The following ZFHX3 variants were observed in gnomAD, a reference collection of about 807,000 sequenced individuals.
The protein encoded by ZFHX3 is zinc finger homeobox protein 3.
A neutral mutation model predicts 279.1 loss-of-function variants in ZFHX3; 42 were observed. That is an observed-to-expected ratio of 0.15 (90% CI 0.12 to 0.19). ZFHX3 has a LOEUF of 0.19. Ranked by LOEUF, ZFHX3 falls within the 10% of genes least tolerant of loss-of-function variation. The pLI is 1.00. For synonymous variants in ZFHX3, 2,293 were observed against 1,957.8 expected (o/e 1.17, Z -4.52); for missense variants, 4,981 against 4,754.0 (o/e 1.05, Z -1.40).
At chr16:73,448,900 T>A (rs929778531) in intron 3 of ZFHX3, among the ~76,000 whole-genome samples, 20 of 152,126 alleles carry the variant, frequency 1.3e-4, no homozygotes, top group African/African-American at 4.8e-4. Flanking sequence ...ATGTACTCTA[T>A]AAAAGGAAAT....
At chr16:73,513,917 A>G (rs955369562) in intron 2 of ZFHX3, among the ~76,000 whole-genome samples, 4 of 152,122 alleles carry the variant, frequency 2.6e-5, no homozygotes, top group Non-Finnish European at 5.9e-5. Context: ...TTAGTTTCAG[A>G]GAGGCAGAAA....
At chr16:73,268,723 G>A (rs1248031166) in intron 4 of ZFHX3, among the ~76,000 whole-genome samples, 6 of 152,192 alleles carry the variant, frequency 3.9e-5, no homozygotes. Context: ...AAAATGAGGG[G>A]TTGGTGCAAC....
chr16:73,346,998 G>T (rs2016135922), intron 3 of ZFHX3, among the ~76,000 whole-genome samples: 1 of 152,114 alleles, frequency 6.6e-6, no homozygotes, highest in South Asian at 2.1e-4. Flanking sequence ...TGTTACAAGG[G>T]GAGGAAATTG....
intron 3 of ZFHX3, among the ~76,000 whole-genome samples, chr16:72,907,543 ATT>A (rs1442078883): frequency 2.5e-4 from 20 of 80,074 alleles, no homozygotes; most frequent in Admixed American, 4.4e-4. Context: ...GGTTTCCTCT[ATT>A]TGTGTGTGTG....
At position 72,921,247 on chromosome 16, in the gene ZFHX3, G is replaced by A. The variant is rs575253263; in HGVS notation, c.3216+29222C>T. On this transcript the variant is annotated intron_variant, in intron 3 of 9. Coordinates refer to ENST00000268489, the MANE Select transcript of ZFHX3 (RefSeq NM_006885.4). ...ATGCTTAGAGAGCTGGAGGGTAACCGGGTGGTGTCATCAACGAAGCTTCTA... is the reference window on the plus strand; with the variant it reads ...ATGCTTAGAGAGCTGGAGGGTAACCAGGTGGTGTCATCAACGAAGCTTCTA... 2.6e-4 allele frequency among the ~76,000 whole-genome samples: 39 copies of A among 152,250 alleles called. No homozygotes were observed. In the South Asian group the frequency reaches 6.2e-3, roughly 24 times the overall value.
intron 4 of ZFHX3, among the ~76,000 whole-genome samples, chr16:72,838,230 T>G (rs2037248210): frequency 6.6e-6 from 1 of 152,212 alleles, no homozygotes; most frequent in Admixed American, 6.5e-5. Context: ...TAAAAATGAC[T>G]AATTGGAGAA....
At chr16:72,935,799 TA>T (rs1567592597) in intron 3 of ZFHX3, among the ~76,000 whole-genome samples, 1 of 151,586 alleles carries the variant, frequency 6.6e-6, no homozygotes, top group Non-Finnish European at 1.5e-5. Flanking sequence ...ATAGTCTACC[TA>T]ATATCCCCAA....
intron 3 of ZFHX3, among the ~76,000 whole-genome samples, chr16:72,946,076 A>T (rs1343374205): frequency 6.6e-6 from 1 of 152,220 alleles, no homozygotes; most frequent in East Asian, 1.9e-4. Context: ...TCAGGGAAAG[A>T]ACTGAAAAGA....
At chr16:73,511,915 A>C (rs1373266476) in intron 2 of ZFHX3, among the ~76,000 whole-genome samples, 1 of 151,966 alleles carries the variant, frequency 6.6e-6, no homozygotes, top group Non-Finnish European at 1.5e-5. Flanking sequence ...ACCTCCCCTC[A>C]CCTAGACTCA....
chr16:72,842,291 C>T (rs1263826792), intron 4 of ZFHX3, among the ~76,000 whole-genome samples: 1 of 151,882 alleles, frequency 6.6e-6, no homozygotes, highest in Admixed American at 6.6e-5. Flanking sequence ...CATCTCAGCT[C>T]ACTGCAGCCT....
Position 73,433,213 on chromosome 16 carries a change from G to A in ZFHX3, c.-1291+22790C>T, listed in dbSNP as rs565910490. On this transcript the variant is annotated intron_variant, in intron 3 of 17. Coordinates refer to the ZFHX3 transcript ENST00000641206. Reference sequence around the variant, plus strand: ...GAGTATTACTATCACTCCAGACAGCGGCATGTCCCCTGCAAGAGAGATTTG... The same window carrying A: ...GAGTATTACTATCACTCCAGACAGCAGCATGTCCCCTGCAAGAGAGATTTG... Among the ~76,000 whole-genome samples the A allele has an allele frequency of 1.7e-4, 26 of 152,278 alleles. No homozygotes were observed. In the South Asian group the frequency reaches 3.3e-3, roughly 19 times the overall value.
intron 1 of ZFHX3, among the ~76,000 whole-genome samples, chr16:73,702,395 G>A (rs1029306834): frequency 3.3e-5 from 5 of 152,170 alleles, no homozygotes; most frequent in Admixed American, 3.3e-4. Flanking sequence ...CTCCCCAGCA[G>A]TGTTTCAGAA....
intron 4 of ZFHX3, among the ~76,000 whole-genome samples, chr16:73,287,237 CAG>C (rs2014636514): frequency 1.1e-5 from 1 of 90,060 alleles, no homozygotes; most frequent in Admixed American, 1.2e-4. Flanking sequence ...CTGTGTGGGT[CAG>C]TGTATGGGTG....
intron 7 of ZFHX3, among the ~76,000 whole-genome samples, chr16:73,105,406 T>C (rs1379389488): frequency 1.5e-5 from 2 of 131,698 alleles, no homozygotes; most frequent in African/African-American, 5.8e-5. Context: ...TATATATATA[T>C]ATACACACAC....
intron 2 of ZFHX3, among the ~76,000 whole-genome samples, chr16:73,622,672 C>A (rs900410108): frequency 1.3e-5 from 2 of 152,132 alleles, no homozygotes; most frequent in Non-Finnish European, 2.9e-5. Context: ...ACACTTAGGT[C>A]CCTCTCTTCT....
intron 1 of ZFHX3, among the ~76,000 whole-genome samples, chr16:72,964,062 G>A (rs1961711864): frequency 6.6e-6 from 1 of 152,176 alleles, no homozygotes; most frequent in African/African-American, 2.4e-5. Flanking sequence ...AGCAGGCAAG[G>A]ATGCCTGATT....
chr16:73,200,596 C>A (rs1455232208), intron 5 of ZFHX3, among the ~76,000 whole-genome samples: 1 of 152,200 alleles, frequency 6.6e-6, no homozygotes, highest in African/African-American at 2.4e-5. Flanking sequence ...AAATGTCAGA[C>A]TGTTTACACA....
chr16:73,129,216 C>T (rs1029198744), intron 7 of ZFHX3, among the ~76,000 whole-genome samples: 4 of 152,020 alleles, frequency 2.6e-5, no homozygotes, highest in African/African-American at 4.8e-5. Context: ...GGCGAAATCC[C>T]GTCTCTACTA....
rs999026659 is a variant in ZFHX3, at chr16:73,889,738, C to T, written c.-1608+1913G>A. 2.0e-5 allele frequency among the ~76,000 whole-genome samples: 3 copies of T among 152,144 alleles called. No homozygotes were observed. In the South Asian group the frequency reaches 6.2e-4, roughly 32 times the overall value. The stretch of plus-strand genomic sequence containing the variant: ...CAGGAGCTATTCTCTGTGCCCTCAC[C>T]CTTCTCCTGAGTGCAGGTTTTCTTG... On this transcript the variant is annotated intron_variant, in intron 1 of 17. Coordinates refer to the ZFHX3 transcript ENST00000641206.
Sources: gnomAD v4.1 joint callset for allele counts (sites outside exome capture counted in the v4.1 genomes callset) on GRCh38, gnomAD v4.1.1 for gene constraint, MANE v1.5 for transcripts, NCBI Gene and HGNC (gene_info 2026-07-23, HGNC 2026-07-21) for gene names.